Variants in DGKG observed in about 807,000 individuals in gnomAD.
DGKG encodes the protein DAG kinase gamma.
Under a neutral mutation model 105.3 loss-of-function variants are expected in DGKG, and 78 were observed. The observed-to-expected ratio is 0.74, with a 90% confidence interval of 0.62 to 0.89. DGKG has a LOEUF of 0.89. Among genes scored for constraint, DGKG ranks in the 40% least tolerant of loss-of-function variants. DGKG has a pLI of 0.00. For missense variants in DGKG, 958 were observed against 1,020.1 expected (o/e 0.94, Z 0.83); for synonymous variants, 346 against 367.1 (o/e 0.94, Z 0.66).
intron 19 of DGKG, among the ~76,000 whole-genome samples, chr3:186,248,907 G>A (rs532640036): frequency 6.6e-6 from 1 of 152,286 alleles, no homozygotes; most frequent in African/African-American, 2.4e-5. Context: ...AACTATGTCT[G>A]GTGTGCAGTA....
chr3:186,200,038 A>G (rs1395661758), intron 21 of DGKG, among the ~76,000 whole-genome samples: 2 of 152,168 alleles, frequency 1.3e-5, no homozygotes, highest in East Asian at 1.9e-4. Context: ...TTAGAGTATT[A>G]TAGAACAGGA....
rs1560120429 is a variant in DGKG at position 186,260,539 on chromosome 3, G to A, written c.1350-26C>T. 4 of 1,493,900 alleles carry A rather than the reference G, an allele frequency of 2.7e-6. No individual in the cohort carries two copies. The Admixed American group carries it at 6.9e-5, about 26-fold the overall frequency. 92.5% of individuals were successfully genotyped at this position (1,493,900 alleles called of 1,614,324 possible). A position where few individuals can be genotyped will look rare whatever the true frequency, so the allele number is the denominator to read the frequency against. On this transcript the variant is annotated intron_variant, in intron 15 of 24. Coordinates refer to ENST00000265022, the MANE Select transcript of DGKG (RefSeq NM_001346.3). ...CTATGGAAAAAAAAAGAAAAGGAGG[G>A]AGAGAGAGAGACAGAGAAGGAATAT...
intron 4 of DGKG, among the ~76,000 whole-genome samples, 198 bp downstream of exon 4, chr3:186,297,866 G>C (rs73058031): frequency 0.03 from 4,499 of 152,238 alleles, 226 homozygotes; most frequent in African/African-American, 0.097. Flanking sequence ...TATGCCTCCT[G>C]TTTATTCCTC....
intron 20 of DGKG, among the ~76,000 whole-genome samples, chr3:186,217,113 G>A (rs1462144123): frequency 6.6e-6 from 1 of 152,164 alleles, no homozygotes; most frequent in Non-Finnish European, 1.5e-5. Flanking sequence ...GGAAGAAGAC[G>A]CATTCCCCAC....
intron 20 of DGKG, among the ~76,000 whole-genome samples, chr3:186,221,421 G>A (rs1009256534): frequency 3.9e-5 from 6 of 152,184 alleles, no homozygotes; most frequent in Admixed American, 3.3e-4. Context: ...AGAGTTATTC[G>A]TGGAAAGAAA....
At chr3:186,283,032 C>T (rs1722897647) in intron 7 of DGKG, among the ~76,000 whole-genome samples, 1 of 151,968 alleles carries the variant, frequency 6.6e-6, no homozygotes, top group Non-Finnish European at 1.5e-5. Context: ...CCTCAGCCTC[C>T]TGAGTAGCTG....
In DGKG at chr3:186,147,630, A is replaced by G. The variant is rs773229282; in HGVS notation, c.*2460T>C. The G allele has an allele frequency of 1.0e-6, 1 of 985,174 alleles. No individual in the cohort carries two copies. The highest frequency in any genetic ancestry group is 1.7e-5 in the African/African-American group (1 of 57,242). 61.0% of individuals were successfully genotyped at this position (985,174 alleles called of 1,614,324 possible). On this transcript the variant is annotated 3_prime_UTR_variant, in exon 25 of 25. Transcript: ENST00000265022. The stretch of plus-strand genomic sequence containing the variant: ...AGCAACATTGCAAGTCCTGTGCACT[A>G]GGGTGCAGCAGGTAAGGGCCATTTT...
In DGKG at chr3:186,147,451, C is replaced by A. The variant is rs2280209; in HGVS notation, c.*2639G>T. 643,677 of 984,464 alleles carry A rather than the reference C, an allele frequency of 0.65. 211,630 individuals are homozygous for A. The highest frequency in any genetic ancestry group is 0.92 in the East Asian group (8,125 of 8,808). The allele number at this position is 984,464 out of a possible 1,614,324, so 61.0% of individuals were successfully genotyped here. A position where few individuals can be genotyped will look rare whatever the true frequency, so the allele number is the denominator to read the frequency against. Reference sequence around the variant, plus strand: ...GGGTCACTATGATGAGGGACTCCACCACAAGAAACCACAGTCATAGTGTTT... The same window carrying A: ...GGGTCACTATGATGAGGGACTCCACAACAAGAAACCACAGTCATAGTGTTT... On this transcript the variant is annotated 3_prime_UTR_variant, in exon 25 of 25. Transcript: ENST00000265022.
chr3:186,274,975 A>G (rs867113024), intron 10 of DGKG, among the ~76,000 whole-genome samples: 7 of 152,144 alleles, frequency 4.6e-5, no homozygotes, highest in Non-Finnish European at 2.9e-5. Context: ...TGTCTTCCAC[A>G]ATGGTTGAAC....
chr3:186,300,246 C>T (rs1578799378), intron 3 of DGKG, among the ~76,000 whole-genome samples: 3 of 152,252 alleles, frequency 2.0e-5, no homozygotes, highest in Admixed American at 2.0e-4. Flanking sequence ...TGTTAAATGT[C>T]CACTATTCCA....
At chr3:186,206,922 TG>T (rs1718773947) in intron 21 of DGKG, among the ~76,000 whole-genome samples, 1 of 152,138 alleles carries the variant, frequency 6.6e-6, no homozygotes, top group Non-Finnish European at 1.5e-5. Flanking sequence ...GCTAATTTTG[TG>T]TTTTTAGTAG....
intron 21 of DGKG, among the ~76,000 whole-genome samples, chr3:186,199,030 C>T (rs373627011): frequency 1.3e-5 from 2 of 152,166 alleles, no homozygotes; most frequent in African/African-American, 4.8e-5. Context: ...TCACTACAAC[C>T]TCTGCCTCCT....
chr3:186,150,665 G>T (rs1715715630), intron 24 of DGKG, among the ~76,000 whole-genome samples: 1 of 152,208 alleles, frequency 6.6e-6, no homozygotes, highest in South Asian at 2.1e-4. Flanking sequence ...CGAGGCTTTG[G>T]TCTGACCTCT....
chr3:186,202,132 T>G (rs966295255), intron 21 of DGKG, among the ~76,000 whole-genome samples: 1 of 152,190 alleles, frequency 6.6e-6, no homozygotes, highest in African/African-American at 2.4e-5. Context: ...TGCAGAGCTG[T>G]TATAAAGATG....
At chr3:186,202,789 T>G (rs760260365) in intron 21 of DGKG, among the ~76,000 whole-genome samples, 3 of 152,222 alleles carry the variant, frequency 2.0e-5, no homozygotes, top group Non-Finnish European at 4.4e-5. Flanking sequence ...TTTGGTCTTC[T>G]GAGACTTTCT....
chr3:186,188,102 C>G, intron 22 of DGKG, 100 bp downstream of exon 22: 3 of 1,364,922 alleles, frequency 2.2e-6, no homozygotes, highest in Non-Finnish European at 2.0e-6. Context: ...GCATGGAGTC[C>G]TTGCTGGGCT....
chr3:186,280,845 C>A (rs1722799881), intron 7 of DGKG, 101 bp from the exon 8 acceptor site: 16 of 946,242 alleles, frequency 1.7e-5, no homozygotes, highest in Non-Finnish European at 3.3e-6. Flanking sequence ...AGGGACAGGG[C>A]AGGGCAAGAG....
At chr3:186,356,382 GAAAC>G (rs1726959387) in intron 1 of DGKG, among the ~76,000 whole-genome samples, 1 of 152,174 alleles carries the variant, frequency 6.6e-6, no homozygotes, top group Admixed American at 6.5e-5. Context: ...GATAAAATGA[GAAAC>G]AATGCACAGT....
At chr3:186,238,752 A>G (rs933205346) in intron 20 of DGKG, among the ~76,000 whole-genome samples, 2 of 152,206 alleles carry the variant, frequency 1.3e-5, no homozygotes, top group African/African-American at 4.8e-5. Context: ...CCCATCATAC[A>G]TGGCTCGTAT....
Sources: gnomAD v4.1 joint callset for allele counts (sites outside exome capture counted in the v4.1 genomes callset) on GRCh38, gnomAD v4.1.1 for gene constraint, MANE v1.5 for transcripts, NCBI Gene and HGNC (gene_info 2026-07-23, HGNC 2026-07-21) for gene names.